GLB1L: variants seen among roughly 807,000 people sequenced by gnomAD.
GLB1L encodes beta-galactosidase-1-like protein.
A neutral mutation model predicts 75.7 loss-of-function variants in GLB1L; 58 were observed. That is an observed-to-expected ratio of 0.77 (90% CI 0.62 to 0.95). GLB1L has a LOEUF of 0.95. Among genes scored for constraint, GLB1L ranks in the 40% least tolerant of loss-of-function variants. The pLI is 0.00. For missense variants in GLB1L, 797 were observed against 805.5 expected (o/e 0.99, Z 0.13); for synonymous variants, 296 against 303.0 (o/e 0.98, Z 0.24).
In GLB1L at chr2:219,238,273, G is replaced by A. The variant is rs765864731; in HGVS notation, c.1318C>T (p.Arg440Cys). The A allele has an allele frequency of 1.1e-5, 18 of 1,608,708 alleles. No individual in the cohort carries two copies. The highest frequency in any genetic ancestry group is 2.7e-5 in the African/African-American group (2 of 74,724). Reference protein sequence around the residue: ...FWVPNNGVHDRAYVMVDGVFQ... With the variant: ...FWVPNNGVHDCAYVMVDGVFQ... ...ACCCCATCCACCATCACATAGGCAC[G>A]GTCATGGACTCCATTATTTGGCACC... is the stretch of plus-strand genomic sequence containing the variant. The change falls in exon 14 of 17, where the codon CGT becomes TGT. Residue 440 changes from arginine to cysteine, a missense_variant. Coordinates refer to ENST00000295759, the MANE Select transcript of GLB1L (RefSeq NM_001286423.2).
At chr2:219,238,136 C>A in intron 14 of GLB1L, 114 bp downstream of exon 14, 1 of 1,042,518 alleles carries the variant, frequency 9.6e-7, no homozygotes, top group Non-Finnish European at 1.4e-6. Flanking sequence ...ATCCCTGGAA[C>A]CCTCTGCAAA....
rs1951420945 is a variant in GLB1L, at chr2:219,242,703, C to CAGAT, written c.390+61_390+64dup. On this transcript the variant is annotated intron_variant, in intron 4 of 16. Transcript: ENST00000295759. ...GCTGGAGATGGCCCTAGAGTGTGGG[C>CAGAT]AGATGGGAGTAGTCTAGGAACTGCA... is the stretch of plus-strand genomic sequence containing the variant. 63 of 1,584,284 alleles carry CAGAT rather than the reference C, an allele frequency of 4.0e-5. No homozygotes were observed. The South Asian group carries it at 6.8e-4, about 17-fold the overall frequency.
chr2:219,243,447 C>A, intron 2 of GLB1L, 55 bp downstream of exon 2: 2 of 1,606,366 alleles, frequency 1.2e-6, no homozygotes, highest in Non-Finnish European at 1.7e-6. Context: ...CTCTCATCCG[C>A]TGGATCTGAT....
chr2:219,241,440 G>GTATATATATATA (rs1156460315), intron 5 of GLB1L, among the ~76,000 whole-genome samples: 3 of 85,526 alleles, frequency 3.5e-5, no homozygotes, highest in East Asian at 1.1e-3. Flanking sequence ...GTGTGTGTGT[G>GTATATATATATA]TGTATATATA....
rs1951324127 is a variant in GLB1L at position 219,239,134 on chromosome 2, G to A, written c.1020C>T (p.Asp340=). ...DYDAPISEAG[D]PTPKLFALRD... is the part of the protein sequence containing the mutation. ...GAAGAGCAAAAAGCTTAGGTGTGGG[G>A]TCCCCTGCTTCAGATATAGGTGCAT... The change falls in exon 11 of 17, where the codon GAC becomes GAT. Residue 340 remains aspartate (D), a synonymous_variant. Transcript: ENST00000295759. 1.2e-6 allele frequency: 2 copies of A among 1,613,982 alleles called. No individual in the cohort carries two copies. Among genetic ancestry groups the A allele is most frequent in the Middle Eastern group, 1.6e-4 (1 of 6,082 alleles).
Position 219,237,212 on chromosome 2 carries a change from C to G in GLB1L, c.1825G>C (p.Asp609His). 6.2e-7 allele frequency: 1 copy of G among 1,614,158 alleles called. No individual in the cohort carries two copies. Among genetic ancestry groups the G allele is most frequent in the Non-Finnish European group, 8.5e-7 (1 of 1,180,028 alleles). Residue 609 changes from aspartate (D) to histidine (H), a missense_variant, in exon 17 of 17, where the codon GAT becomes CAT. Asp to His is a moderately conservative substitution (Grantham distance 81). Transcript: ENST00000295759. ...TGGACTTGGGGCTGGAGAGGTACAT[C>G]TTCTAGTTCCAGCAATGTAATTTTG... The part of the protein sequence containing the change: ...LNKITLLELE[D>H]VPLQPQVQFL...
intron 3 of GLB1L, 34 bp downstream of exon 3, chr2:219,243,114 C>T: frequency 6.4e-7 from 1 of 1,574,440 alleles, no homozygotes; most frequent in Non-Finnish European, 8.6e-7. Context: ...AAAGTAGATC[C>T]CATCCCTCCG....
intron 5 of GLB1L, among the ~76,000 whole-genome samples, chr2:219,242,157 T>C (rs1951408614): frequency 6.6e-6 from 1 of 152,058 alleles, no homozygotes; most frequent in Non-Finnish European, 1.5e-5. Flanking sequence ...CCAGCCAATT[T>C]TTTGTATTTT....
Position 219,238,685 on chromosome 2 carries a change from A to G in GLB1L, c.1137+20T>C, listed in dbSNP as rs1175814952. On this transcript the variant is annotated intron_variant, in intron 12 of 16. Transcript: ENST00000295759. ...GAAAAAAAAGGTGTGGTATAAGAGA[A>G]AAGATGTGGAGGAACTTACCAGGTG... 5.6e-6 allele frequency: 9 copies of G among 1,600,654 alleles called. No individual in the cohort carries two copies. The highest frequency in any genetic ancestry group is 7.6e-6 in the Non-Finnish European group (9 of 1,178,284).
Position 219,238,506 on chromosome 2 carries a change from C to A in GLB1L, c.1216G>T (p.Ala406Ser). The A allele has an allele frequency of 6.2e-7, 1 of 1,613,998 alleles. No individual in the cohort carries two copies. The highest frequency in any genetic ancestry group is 8.5e-7 in the Non-Finnish European group (1 of 1,179,956). ...GGTTTATGCCTTACCTGCTTGACAG[C>A]CTCAAAGGTCATTGGCAAGATTGAA... ...IHSILPMTFE[A>S]VKQDHGFMLY... is the part of the protein sequence containing the mutation. Residue 406 changes from alanine (A) to serine (S), a missense_variant, in exon 13 of 17, where the codon GCT (alanine) becomes TCT (serine). Ala to Ser is a moderately conservative substitution (Grantham distance 99). Transcript: ENST00000295759.
intron 1 of GLB1L, 64 bp from the exon 2 acceptor site, chr2:219,243,707 C>T: frequency 1.3e-6 from 1 of 762,992 alleles, no homozygotes; most frequent in Non-Finnish European, 2.3e-6. Flanking sequence ...ACTTCCTCTC[C>T]AGCCTGCAGC....
rs1318877224 is a variant in GLB1L, at chr2:219,243,450, G to A, written c.72+52C>T. On this transcript the variant is annotated intron_variant, in intron 2 of 16. Coordinates refer to ENST00000295759, the MANE Select transcript of GLB1L (RefSeq NM_001286423.2). ...ACTTTGGACTTTCTCTCATCCGCTGGATCTGATCCCGCTCACCGCACCCGG... is the reference window on the plus strand; with the variant it reads ...ACTTTGGACTTTCTCTCATCCGCTGAATCTGATCCCGCTCACCGCACCCGG... 8 of 1,605,664 alleles carry A rather than the reference G, an allele frequency of 5.0e-6. No individual in the cohort carries two copies. The Admixed American group carries it at 6.7e-5, about 13-fold the overall frequency.
rs772620588 is a variant in GLB1L at position 219,243,147 on chromosome 2, C to T, written c.239+1G>A. The stretch of plus-strand genomic sequence containing the variant: ...CCGCGGCTCTTGCGAGCACTTCTTA[C>T]AACTGTATGGCGTTGAGGCCGCTCC... On this transcript the variant is annotated splice_donor_variant, in intron 3 of 16. Coordinates refer to ENST00000295759, the MANE Select transcript of GLB1L (RefSeq NM_001286423.2). LOFTEE classifies it high-confidence loss of function. 6.2e-7 allele frequency: 1 copy of T among 1,604,066 alleles called. No individual in the cohort carries two copies. The highest frequency in any genetic ancestry group is 8.5e-7 in the Non-Finnish European group (1 of 1,175,212).
Position 219,239,552 on chromosome 2 carries a change from TTTAC to T in GLB1L, c.902+5_902+8del. On this transcript the variant is annotated splice_donor_5th_base_variant and intron_variant, in intron 9 of 16. Transcript: ENST00000295759. ...ACAGATTCATATTGCCCCCAGTGTC[TTTAC>T]TTACATGTTCACACTGGCTCCCAAC... 1 of 1,614,188 alleles carries T rather than the reference TTTAC, an allele frequency of 6.2e-7. No individual in the cohort carries two copies. The highest frequency in any genetic ancestry group is 8.5e-7 in the Non-Finnish European group (1 of 1,180,026).
rs556786514 is a variant in GLB1L at position 219,242,931 on chromosome 2, G to A, written c.240-13C>T. 3.0e-5 allele frequency: 49 copies of A among 1,614,152 alleles called. No individual in the cohort carries two copies. Among genetic ancestry groups the A allele is most frequent in the Middle Eastern group, 3.3e-4 (2 of 6,062 alleles). On this transcript the variant is annotated splice_polypyrimidine_tract_variant and intron_variant, in intron 3 of 16. Transcript: ENST00000295759. ...CCAGGGCACATAACTGAGAAAGGAAGAGGTTAATAGGAACCAAGGTGAAGA... is the reference window on the plus strand; with the variant it reads ...CCAGGGCACATAACTGAGAAAGGAAAAGGTTAATAGGAACCAAGGTGAAGA...
chr2:219,241,465 T>TATATACAC (rs1457421471), intron 5 of GLB1L, among the ~76,000 whole-genome samples: 6 of 136,536 alleles, frequency 4.4e-5, no homozygotes, highest in Admixed American at 8.2e-5. Context: ...TATATATATA[T>TATATACAC]ACATACATAT....
rs1951345498 is a variant in GLB1L at position 219,239,910 on chromosome 2, T to G, written c.721+10A>C. On this transcript the variant is annotated intron_variant, in intron 7 of 16. Transcript: ENST00000295759. ...TTCCCCAGACTCCACTCCCAGCCCT[T>G]GCTTGAGACCTGGGCCAAAATCTAC... 2 of 1,614,030 alleles carry G rather than the reference T, an allele frequency of 1.2e-6. No individual in the cohort carries two copies. The highest frequency in any genetic ancestry group is 1.3e-5 in the African/African-American group (1 of 74,916).
In GLB1L at chr2:219,239,164, G is replaced by C; in HGVS notation, c.990C>G (p.Asp330Glu). 6.2e-7 allele frequency: 1 copy of C among 1,614,094 alleles called. No individual in the cohort carries two copies. Residue 330 changes from aspartate to glutamate, a missense_variant, in exon 11 of 17, where the codon GAC becomes GAG. Transcript: ENST00000295759. ...GRFLPITTSY[D>E]YDAPISEAGD... The stretch of plus-strand genomic sequence containing the variant: ...CTGCTTCAGATATAGGTGCATCATA[G>C]TCATAGCTGGTAGTAATCGGAAGGA...
chr2:219,242,440 C>T, intron 5 of GLB1L, 74 bp downstream of exon 5: 1 of 1,064,486 alleles, frequency 9.4e-7, no homozygotes, highest in African/African-American at 1.6e-5. Flanking sequence ...TGGGAATGGT[C>T]TCTTCTGCTT....
Sources: allele counts gnomAD v4.1 joint callset (sites outside exome capture counted in the v4.1 genomes callset), GRCh38; gene constraint gnomAD v4.1.1; transcripts MANE v1.5; gene names NCBI Gene and HGNC (gene_info 2026-07-23, HGNC 2026-07-21).